PTPRD: variants seen among roughly 807,000 people sequenced by gnomAD.
PTPRD encodes receptor-type tyrosine-protein phosphatase delta.
PTPRD carries 34 observed loss-of-function variants against 214.5 expected under a neutral mutation model. The ratio of observed to expected loss-of-function variants is 0.16; its 90% CI spans 0.12 to 0.21. PTPRD has a LOEUF of 0.21. Among genes scored for constraint, PTPRD ranks in the 10% least tolerant of loss-of-function variants. The probability of loss-of-function intolerance (pLI) is 1.00; values close to 1 mark genes in which losing one functional copy is unlikely to be tolerated. For missense variants in PTPRD, 2,545 were observed against 2,398.7 expected, an observed-to-expected ratio of 1.06 and a Z score of -1.27; for synonymous variants, 1,128 against 845.7, an observed-to-expected ratio of 1.33 and a Z score of -5.79.
chr9:8,451,869 T>A (rs781424218), intron 33 of PTPRD: 1 of 498,042 alleles, frequency 2.0e-6, no homozygotes, highest in South Asian at 1.5e-5. Flanking sequence ...GAAATATCTA[T>A]CTGGGCAAGA....
intron 8 of PTPRD, among the ~76,000 whole-genome samples, chr9:9,426,140 G>A (rs2080827242): frequency 1.3e-5 from 2 of 152,162 alleles, no homozygotes; most frequent in African/African-American, 4.8e-5. Flanking sequence ...CAAGGGGTTG[G>A]GGAATTCCCT....
intron 4 of PTPRD, among the ~76,000 whole-genome samples, chr9:10,013,582 G>A (rs1022216108): frequency 1.4e-5 from 2 of 147,402 alleles, no homozygotes; most frequent in Non-Finnish European, 3.1e-5. Flanking sequence ...CAATGTAGTA[G>A]CTGAAAAAAA....
chr9:10,560,514 T>A (rs1357521728), intron 2 of PTPRD, among the ~76,000 whole-genome samples: 1 of 152,036 alleles, frequency 6.6e-6, no homozygotes, highest in Non-Finnish European at 1.5e-5. Flanking sequence ...CATATGTAAC[T>A]AACCTGCACA....
chr9:9,608,759 T>G (rs1438128893), intron 7 of PTPRD, among the ~76,000 whole-genome samples: 2 of 152,238 alleles, frequency 1.3e-5, no homozygotes, highest in Non-Finnish European at 2.9e-5. Context: ...ACTTGCTTCA[T>G]GATTTCTTGA....
intron 12 of PTPRD, among the ~76,000 whole-genome samples, chr9:8,728,390 G>C (rs1205748163): frequency 6.6e-6 from 1 of 152,174 alleles, no homozygotes; most frequent in African/African-American, 2.4e-5. Flanking sequence ...TGCAGATGAG[G>C]TCTTGCTATG....
chr9:9,987,965 C>T (rs774014922), intron 4 of PTPRD, among the ~76,000 whole-genome samples: 10 of 152,002 alleles, frequency 6.6e-5, no homozygotes, highest in Non-Finnish European at 1.0e-4. Context: ...ACATATTTGC[C>T]GTAACAGCAG....
chr9:8,994,268 A>G (rs971337185), intron 11 of PTPRD, among the ~76,000 whole-genome samples: 1 of 152,124 alleles, frequency 6.6e-6, no homozygotes, highest in African/African-American at 2.4e-5. Context: ...ATAGGGATGC[A>G]CTTGAAAGGA....
At chr9:10,480,652 T>C (rs2099092145) in intron 2 of PTPRD, among the ~76,000 whole-genome samples, 1 of 151,972 alleles carries the variant, frequency 6.6e-6, no homozygotes, top group South Asian at 2.1e-4. Context: ...CAATATTAAA[T>C]AAAAACAATT....
At chr9:8,346,330 T>A (rs1193057568) in intron 39 of PTPRD, among the ~76,000 whole-genome samples, 1 of 152,224 alleles carries the variant, frequency 6.6e-6, no homozygotes, top group East Asian at 1.9e-4. Flanking sequence ...TATATAAAAC[T>A]CATTGTTTCT....
chr9:8,498,426 T>C (rs2097324196), intron 25 of PTPRD, among the ~76,000 whole-genome samples: 1 of 152,030 alleles, frequency 6.6e-6, no homozygotes, highest in Non-Finnish European at 1.5e-5. Context: ...CACAGGCGTG[T>C]GCCGCCACGC....
At chr9:9,533,329 T>C (rs1214810423) in intron 8 of PTPRD, among the ~76,000 whole-genome samples, 1 of 152,120 alleles carries the variant, frequency 6.6e-6, no homozygotes, top group Non-Finnish European at 1.5e-5. Context: ...GAATTTTTCT[T>C]TTCATTGTCA....
At chr9:10,542,631 A>T (rs1590444262) in intron 2 of PTPRD, among the ~76,000 whole-genome samples, 1 of 152,108 alleles carries the variant, frequency 6.6e-6, no homozygotes, top group Non-Finnish European at 1.5e-5. Flanking sequence ...TTGATCACTT[A>T]CCTTTATATT....
chr9:8,654,818 TA>T (rs2096878328), intron 12 of PTPRD, among the ~76,000 whole-genome samples: 1 of 152,152 alleles, frequency 6.6e-6, no homozygotes, highest in South Asian at 2.1e-4. Context: ...TTTTAGTCAT[TA>T]GGAAGGCAAT....
chr9:9,043,904 AAAAATAAAAT>A (rs34743506), intron 10 of PTPRD, among the ~76,000 whole-genome samples: 17,936 of 137,230 alleles, frequency 0.13, 1,376 homozygotes, highest in East Asian at 0.31. Flanking sequence ...ACCCTGTCTC[AAAAATAAAAT>A]AAAATAAAAT....
intron 3 of PTPRD, among the ~76,000 whole-genome samples, chr9:10,084,383 G>A (rs556141812): frequency 6.6e-6 from 1 of 151,832 alleles, no homozygotes; most frequent in Non-Finnish European, 1.5e-5. Context: ...GTTAAATTGT[G>A]AGAAGAACTG....
chr9:10,331,428 G>C (rs963623552), intron 3 of PTPRD, among the ~76,000 whole-genome samples: 3 of 151,892 alleles, frequency 2.0e-5, no homozygotes, highest in East Asian at 1.9e-4. Flanking sequence ...AGACACTGTG[G>C]AGCAGAGGCA....
chr9:8,483,491 G>T (rs1053262469), intron 30 of PTPRD, among the ~76,000 whole-genome samples: 1 of 152,184 alleles, frequency 6.6e-6, no homozygotes, highest in Non-Finnish European at 1.5e-5. Context: ...GGTGGCTCAT[G>T]CCTATAATCC....
intron 3 of PTPRD, among the ~76,000 whole-genome samples, chr9:10,151,122 G>A (rs1283548662): frequency 2.1e-5 from 3 of 143,042 alleles, no homozygotes; most frequent in African/African-American, 5.2e-5. Context: ...GTACAGTGGT[G>A]CGATCTCGGC....
intron 2 of PTPRD, among the ~76,000 whole-genome samples, chr9:10,501,176 T>C (rs2043589251): frequency 6.6e-6 from 1 of 151,982 alleles, no homozygotes; most frequent in Admixed American, 6.6e-5. Flanking sequence ...TAGGGTTCCC[T>C]TTTCTCTACA....
Sources: gnomAD v4.1 joint callset for allele counts (sites outside exome capture counted in the v4.1 genomes callset) on GRCh38, gnomAD v4.1.1 for gene constraint, MANE v1.5 for transcripts, NCBI Gene and HGNC (gene_info 2026-07-23, HGNC 2026-07-21) for gene names.